The following TPD52 variants were observed in gnomAD, a reference collection of about 807,000 sequenced individuals.
The protein encoded by TPD52 is tumor protein D52, also known as prostate and colon associated protein.
Under a neutral mutation model 31.3 loss-of-function variants are expected in TPD52, and 17 were observed. That is an observed-to-expected ratio of 0.54 (90% confidence interval 0.37 to 0.82). The LOEUF is 0.82. Among genes scored for constraint, TPD52 ranks in the 40% least tolerant of loss-of-function variants. The pLI is 0.00. For synonymous variants in TPD52, 83 were observed against 89.6 expected, an observed-to-expected ratio of 0.93 and a Z score of 0.42; for missense variants, 212 against 240.1, an observed-to-expected ratio of 0.88 and a Z score of 0.77.
At chr8:80,100,298 A>G (rs1261884036) in intron 1 of TPD52, among the ~76,000 whole-genome samples, 1 of 152,176 alleles carries the variant, frequency 6.6e-6, no homozygotes, top group Admixed American at 6.5e-5. Flanking sequence ...TCCAAGCCCT[A>G]ATTATTTTCT....
intron 2 of TPD52, among the ~76,000 whole-genome samples, chr8:80,059,114 C>T (rs1812216220): frequency 6.6e-6 from 1 of 152,092 alleles, no homozygotes; most frequent in African/African-American, 2.4e-5. Flanking sequence ...AGCACCTTTT[C>T]CAACCACCAC....
chr8:80,119,810 C>G (rs74938018), intron 1 of TPD52: 4,824 of 389,462 alleles, frequency 0.012, 215 homozygotes, highest in African/African-American at 0.095. Flanking sequence ...TATGAAAATA[C>G]TTACATTTTA....
chr8:80,134,328 T>C (rs1445757497), intron 1 of TPD52, among the ~76,000 whole-genome samples: 1 of 152,242 alleles, frequency 6.6e-6, no homozygotes, highest in Non-Finnish European at 1.5e-5. Flanking sequence ...GGCTCACCTT[T>C]ACAAGAGGAA....
chr8:80,158,137 T>C (rs1488996127), intron 1 of TPD52, among the ~76,000 whole-genome samples: 2 of 152,154 alleles, frequency 1.3e-5, no homozygotes, highest in Admixed American at 6.5e-5. Context: ...CAAATTTCCC[T>C]TTAAAACACC....
chr8:80,144,293 G>A (rs967671557), intron 1 of TPD52, among the ~76,000 whole-genome samples: 2 of 152,076 alleles, frequency 1.3e-5, no homozygotes, highest in Non-Finnish European at 2.9e-5. Context: ...CTAGGATTTT[G>A]CAATTAGAAG....
chr8:80,110,129 A>T (rs1426142), intron 1 of TPD52, among the ~76,000 whole-genome samples: 67,625 of 151,958 alleles, frequency 0.45, 15,527 homozygotes, highest in East Asian at 0.79. Context: ...TCAGAGACCG[A>T]ATTTATGATT....
intron 1 of TPD52, among the ~76,000 whole-genome samples, chr8:80,143,883 C>A (rs890306): frequency 0.51 from 77,537 of 151,940 alleles, 20,295 homozygotes; most frequent in East Asian, 0.79. Flanking sequence ...CAGAAAAATG[C>A]CATTTATGTT....
chr8:80,094,430 T>TATATA (rs1816532778), intron 1 of TPD52, among the ~76,000 whole-genome samples: 1 of 53,688 alleles, frequency 1.9e-5, no homozygotes, highest in African/African-American at 4.7e-5. Flanking sequence ...AAAGAAAATT[T>TATATA]TATATATATA....
chr8:80,055,666 A>C (rs1324721739), intron 2 of TPD52, among the ~76,000 whole-genome samples: 1 of 152,224 alleles, frequency 6.6e-6, no homozygotes, highest in Non-Finnish European at 1.5e-5. Flanking sequence ...TATCCAAAAT[A>C]TACAAGGAAC....
At chr8:80,108,034 T>C (rs1208711441) in intron 1 of TPD52, among the ~76,000 whole-genome samples, 1 of 152,178 alleles carries the variant, frequency 6.6e-6, no homozygotes, top group African/African-American at 2.4e-5. Flanking sequence ...CAAGAAAAAT[T>C]AAATAACATT....
At chr8:80,047,503 G>A (rs1381511757) in intron 5 of TPD52, among the ~76,000 whole-genome samples, 1 of 152,040 alleles carries the variant, frequency 6.6e-6, no homozygotes, top group Admixed American at 6.6e-5. Context: ...TCAAATTTCA[G>A]CATTATTTTG....
At chr8:80,104,424 C>T (rs1374450635) in intron 1 of TPD52, among the ~76,000 whole-genome samples, 3 of 89,230 alleles carry the variant, frequency 3.4e-5, no homozygotes, top group African/African-American at 2.3e-4. Context: ...CACCTACATA[C>T]ACACGTACAC....
At chr8:80,050,569 G>T in intron 4 of TPD52, 98 bp from the exon 5 acceptor site, 1 of 1,172,034 alleles carries the variant, frequency 8.5e-7, no homozygotes, top group Non-Finnish European at 1.2e-6. Context: ...GTTTTCCCTG[G>T]GCTCTAAACT....
intron 1 of TPD52, among the ~76,000 whole-genome samples, chr8:80,105,292 A>G (rs1156567922): frequency 1.3e-5 from 2 of 152,168 alleles, no homozygotes; most frequent in East Asian, 3.9e-4. Context: ...ACAGGCAGAC[A>G]GCCCAGCACC....
intron 1 of TPD52, among the ~76,000 whole-genome samples, chr8:80,129,076 T>A (rs1586356016): frequency 6.6e-6 from 1 of 152,264 alleles, no homozygotes; most frequent in Admixed American, 6.5e-5. Flanking sequence ...TTTTCAAGAA[T>A]TTGGTGGATA....
chr8:80,148,959 C>T (rs777916764), intron 1 of TPD52, among the ~76,000 whole-genome samples: 6 of 152,090 alleles, frequency 3.9e-5, no homozygotes, highest in African/African-American at 1.4e-4. Context: ...TTTAACAAGG[C>T]CAAATTTTTA....
At chr8:80,080,246 C>T in intron 1 of TPD52, 1 of 1,467,430 alleles carries the variant, frequency 6.8e-7, no homozygotes, top group Non-Finnish European at 9.4e-7. Context: ...AATTTTAAAG[C>T]CAGGCAAACC....
At chr8:80,139,335 G>A (rs192839420) in intron 1 of TPD52, among the ~76,000 whole-genome samples, 1 of 152,108 alleles carries the variant, frequency 6.6e-6, no homozygotes, top group East Asian at 1.9e-4. Flanking sequence ...ACAGAGTTAT[G>A]CAAACATCAC....
At chr8:80,085,230 A>C (rs1815646753) in intron 1 of TPD52, among the ~76,000 whole-genome samples, 1 of 152,258 alleles carries the variant, frequency 6.6e-6, no homozygotes, top group African/African-American at 2.4e-5. Flanking sequence ...AGGGCAGTTC[A>C]GAAGTCAACT....
Sources: gnomAD v4.1 joint callset for allele counts (sites outside exome capture counted in the v4.1 genomes callset) on GRCh38, gnomAD v4.1.1 for gene constraint, MANE v1.5 for transcripts, NCBI Gene and HGNC (gene_info 2026-07-23, HGNC 2026-07-21) for gene names.